The following STC2 variants were observed in gnomAD, a reference collection of about 807,000 sequenced individuals.
STC2 encodes the protein stanniocalcin 2, also known as stanniocalcin-2.
In STC2, 7 loss-of-function variants were observed where a neutral mutation model predicts 22.7. The observed-to-expected ratio is 0.31, with a 90% CI of 0.18 to 0.58. The LOEUF is 0.58. Ranked by LOEUF, STC2 falls within the 20% of genes least tolerant of loss-of-function variation. STC2 has a pLI of 0.89. For missense variants in STC2, 336 were observed against 406.2 expected (o/e 0.83, Z 1.48); for synonymous variants, 158 against 163.4 (o/e 0.97, Z 0.25).
intron 1 of STC2, among the ~76,000 whole-genome samples, chr5:173,327,372 G>C (rs1762561601): frequency 6.6e-6 from 1 of 152,268 alleles, no homozygotes; most frequent in African/African-American, 2.4e-5. Context: ...GCTTGCCGGT[G>C]AGCCAAGAGC....
Position 173,315,476 on chromosome 5 carries a change from AG to A in STC2, c.*2370del, listed in dbSNP as rs1375015595. 3 of 152,202 alleles carry A rather than the reference AG, an allele frequency of 2.0e-5. No homozygotes were observed. Among genetic ancestry groups the A allele is most frequent in the Non-Finnish European group, 4.4e-5 (3 of 68,030 alleles). The allele number at this position is 152,202 out of a possible 1,614,324, so 9.4% of individuals were successfully genotyped here. A position where few individuals can be genotyped will look rare whatever the true frequency, so the allele number is the denominator to read the frequency against. The stretch of plus-strand genomic sequence containing the variant: ...AACACAGTAAACCATTTTATGCCTT[AG>A]GGGGAAAACACAGAGATAATAAATA... On this transcript the variant is annotated 3_prime_UTR_variant, in exon 4 of 4. Coordinates refer to ENST00000265087, the MANE Select transcript of STC2 (RefSeq NM_003714.3).
Position 173,318,142 on chromosome 5 carries a change from C to T in STC2, c.614G>A (p.Cys205Tyr). 6.2e-7 allele frequency: 1 copy of T among 1,609,614 alleles called. No homozygotes were observed. Among genetic ancestry groups the T allele is most frequent in the Non-Finnish European group, 8.5e-7 (1 of 1,178,252 alleles). ...CGAGGTGCAGAAGCTCAAGATGGAG[C>T]ACAGGCTTCCCCAGTTCTGCTCACA... ...VQCEQNWGSL[C>Y]SILSFCTSAI... is the part of the protein sequence containing the mutation. The change falls in exon 4 of 4, where the codon TGC becomes TAC. Residue 205 changes from cysteine to tyrosine, a missense_variant. This residue lies in a region of STC2 where 215 missense variants were observed against 231.5 expected (regional missense o/e 0.93). Transcript: ENST00000265087.
rs545526580 is a variant in STC2, at chr5:173,317,955, G to A, written c.801C>T (p.His267=). The A allele has an allele frequency of 1.9e-6, 3 of 1,613,468 alleles. No homozygotes were observed. Among genetic ancestry groups the A allele is most frequent in the African/African-American group, 2.7e-5 (2 of 75,044 alleles). Residue 267 remains histidine, a synonymous_variant, in exon 4 of 4, where the codon CAC becomes CAT. Coordinates refer to ENST00000265087, the MANE Select transcript of STC2 (RefSeq NM_003714.3). ...GAKGERGSKS[H]PNAHARGRVG... The stretch of plus-strand genomic sequence containing the variant: ...CTCTGCCTCGGGCATGGGCGTTTGG[G>A]TGGCTCTTGCTACCTCGCTCACCCT...
At position 173,318,038 on chromosome 5, in the gene STC2, C is replaced by G. The variant is rs375944211; in HGVS notation, c.718G>C (p.Gly240Arg). The change falls in exon 4 of 4, where the codon GGG becomes CGG. Residue 240 changes from glycine (G) to arginine (R), a missense_variant. This residue lies in a region of STC2 where 215 missense variants were observed against 231.5 expected (regional missense o/e 0.93). Transcript: ENST00000265087. ...TCTGGGAGGTGATGTCCTGCTTCCC[C>G]GTGGTGGGCCCTGGAGAGCTTGGTT... ...DRTKLSRAHH[G>R]EAGHHLPEPS... The G allele has an allele frequency of 1.4e-4, 230 of 1,611,890 alleles. No homozygotes were observed. The highest frequency in any genetic ancestry group is 1.8e-4 in the Non-Finnish European group (209 of 1,179,204).
At chr5:173,318,830 G>C (rs1013576480) in intron 3 of STC2, among the ~76,000 whole-genome samples, 1 of 152,194 alleles carries the variant, frequency 6.6e-6, no homozygotes, top group African/African-American at 2.4e-5. Context: ...GATGAAGAAG[G>C]GTGTTTTTGG....
At chr5:173,319,356 A>T (rs888415453) in intron 3 of STC2, among the ~76,000 whole-genome samples, 8 of 152,230 alleles carry the variant, frequency 5.3e-5, no homozygotes, top group Non-Finnish European at 8.8e-5. Context: ...AGAATGTTTC[A>T]CATGGCTAAC....
At chr5:173,327,481 C>A (rs879757642) in intron 1 of STC2, among the ~76,000 whole-genome samples, 1 of 152,250 alleles carries the variant, frequency 6.6e-6, no homozygotes, top group Non-Finnish European at 1.5e-5. Context: ...CGCGGAGGTA[C>A]GCTTTGCGCT....
In STC2 at chr5:173,316,190, A is replaced by G. The variant is rs1335575148; in HGVS notation, c.*1657T>C. 1 of 152,214 alleles carries G rather than the reference A, an allele frequency of 6.6e-6. No homozygotes were observed. The highest frequency in any genetic ancestry group is 6.5e-5 in the Admixed American group (1 of 15,284). The allele number at this position is 152,214 out of a possible 1,614,324, so 9.4% of individuals were successfully genotyped here. On this transcript the variant is annotated 3_prime_UTR_variant, in exon 4 of 4. Coordinates refer to ENST00000265087, the MANE Select transcript of STC2 (RefSeq NM_003714.3). ...TGAAATTCAGCTGGGAGCCTGTTAA[A>G]TAAATCTTCCTGGAAGGGAGCCAAG...
At chr5:173,327,215 A>C (rs1299812031) in intron 1 of STC2, among the ~76,000 whole-genome samples, 1 of 152,224 alleles carries the variant, frequency 6.6e-6, no homozygotes, top group Non-Finnish European at 1.5e-5. Context: ...CGGTGAGCGC[A>C]CGCACGCCGC....
Position 173,318,167 on chromosome 5 carries a change from A to G in STC2, c.589T>C (p.Cys197Arg). The G allele has an allele frequency of 1.3e-6, 2 of 1,595,788 alleles. No individual in the cohort carries two copies. The highest frequency in any genetic ancestry group is 1.7e-6 in the Non-Finnish European group (2 of 1,171,230). ...CACAGGCTTCCCCAGTTCTGCTCAC[A>G]CTGAACCTGCACGCTGTGGGTGATG... ...EAITHSVQVQ[C>R]EQNWGSLCSI... The change falls in exon 4 of 4, where the codon TGT (cysteine) becomes CGT (arginine). Residue 197 changes from cysteine to arginine, a missense_variant. Physicochemically the swap from Cys to Arg is radical, Grantham distance 180. Transcript: ENST00000265087.
intron 3 of STC2, among the ~76,000 whole-genome samples, chr5:173,321,356 G>A (rs3776777): frequency 6.6e-6 from 1 of 151,980 alleles, no homozygotes; most frequent in Non-Finnish European, 1.5e-5. Flanking sequence ...ATTCCCCACC[G>A]ATTCCTGAGG....
In STC2 at chr5:173,323,450, G is replaced by C. The variant is rs1762510204; in HGVS notation, c.295-20C>G. ...CTTGCCCTGAGAACACACAGGCCGG[G>C]GAAGGGAGAGAGGGGCAGAAAGCAG... On this transcript the variant is annotated intron_variant, in intron 2 of 3. Coordinates refer to ENST00000265087, the MANE Select transcript of STC2 (RefSeq NM_003714.3). This position sits in a 1 kb window ranked among gnomAD's most constrained non-coding sequence, Gnocchi z 5.4. 6.3e-7 allele frequency: 1 copy of C among 1,588,736 alleles called. No homozygotes were observed. Among genetic ancestry groups the C allele is most frequent in the Non-Finnish European group, 8.6e-7 (1 of 1,165,666 alleles).
At chr5:173,327,219 A>C (rs1762559399) in intron 1 of STC2, among the ~76,000 whole-genome samples, 1 of 152,200 alleles carries the variant, frequency 6.6e-6, no homozygotes, top group African/African-American at 2.4e-5. Context: ...GAGCGCACGC[A>C]CGCCGCCGCT....
intron 2 of STC2, chr5:173,324,187 G>A (rs561161610): frequency 6.6e-6 from 1 of 152,628 alleles, no homozygotes; most frequent in East Asian, 1.9e-4. Flanking sequence ...GCATACATCT[G>A]GCCTGCAGTT....
At chr5:173,321,197 C>T (rs1296562510) in intron 3 of STC2, among the ~76,000 whole-genome samples, 4 of 151,816 alleles carry the variant, frequency 2.6e-5, no homozygotes, top group African/African-American at 9.7e-5. Context: ...GACACTAGAA[C>T]GCCAGAGAGC....
Position 173,325,022 on chromosome 5 carries a change from G to A in STC2, c.294+846C>T, listed in dbSNP as rs2113139298. 6.6e-6 allele frequency among the ~76,000 whole-genome samples: 1 copy of A among 152,318 alleles called. No individual in the cohort carries two copies. The highest frequency in any genetic ancestry group is 1.5e-5 in the Non-Finnish European group (1 of 68,028). ...GCTCACTACTATATGTCAGTGGATG[G>A]GGACTGGTGACATCCATAAATCTCA... On this transcript the variant is annotated intron_variant, in intron 2 of 3. Coordinates refer to ENST00000265087, the MANE Select transcript of STC2 (RefSeq NM_003714.3). This position sits in a 1 kb window ranked among gnomAD's most constrained non-coding sequence, Gnocchi z 4.7.
chr5:173,317,660 G>T lies in STC2; in HGVS notation c.*187C>A, dbSNP rs1762437637. On this transcript the variant is annotated 3_prime_UTR_variant, in exon 4 of 4. Coordinates refer to ENST00000265087, the MANE Select transcript of STC2 (RefSeq NM_003714.3). ...TGCAGAATTCACCAGGCACCCCTGA[G>T]ACCCCACGGCCCCAGGGGTCTCCAT... is the stretch of plus-strand genomic sequence containing the variant. 1.5e-6 allele frequency: 1 copy of T among 660,752 alleles called. No individual in the cohort carries two copies. The highest frequency in any genetic ancestry group is 2.3e-6 in the Non-Finnish European group (1 of 431,258). The allele number at this position is 660,752 out of a possible 1,614,324, so 40.9% of individuals were successfully genotyped here.
At chr5:173,327,283 C>T (rs1447995036) in intron 1 of STC2, among the ~76,000 whole-genome samples, 1 of 152,272 alleles carries the variant, frequency 6.6e-6, no homozygotes, top group East Asian at 1.9e-4. Flanking sequence ...AGCGAAGGAG[C>T]TGTAGGCAGA....
rs928101690 is a variant in STC2, at chr5:173,323,614, G to T, written c.295-184C>A. ...AATGCGACATCCGGAGGCACGTCCA[G>T]AGTGACATGACACCCCCAGCACTGG... On this transcript the variant is annotated intron_variant, in intron 2 of 3. Coordinates refer to ENST00000265087, the MANE Select transcript of STC2 (RefSeq NM_003714.3). The surrounding 1 kb of genome is among the most constrained non-coding windows in gnomAD (Gnocchi z 5.4). Among the ~76,000 whole-genome samples the T allele has an allele frequency of 4.6e-5, 7 of 152,184 alleles. No individual in the cohort carries two copies. The highest frequency in any genetic ancestry group is 1.7e-4 in the African/African-American group (7 of 41,434).
Sources: allele counts gnomAD v4.1 joint callset (sites outside exome capture counted in the v4.1 genomes callset), GRCh38; gene constraint gnomAD v4.1.1; regional missense constraint gnomAD v4.1.1; non-coding constraint Gnocchi (gnomAD v3.1); transcripts MANE v1.5; gene names NCBI Gene and HGNC (gene_info 2026-07-23, HGNC 2026-07-21).